Variants in PLXNA4 observed in about 807,000 individuals in gnomAD.
PLXNA4 encodes the protein plexin A4, also known as plexin-A4.
PLXNA4 carries 44 observed loss-of-function variants against 191.8 expected under a neutral mutation model. That is an observed-to-expected ratio of 0.23 (90% confidence interval 0.18 to 0.29). The LOEUF is 0.29. Among genes scored for constraint, PLXNA4 ranks in the 10% least tolerant of loss-of-function variants. PLXNA4 has a pLI of 1.00. For missense variants in PLXNA4, 1,800 were observed against 2,488.8 expected (o/e 0.72, Z 5.89); for synonymous variants, 1,082 against 1,009.5 (o/e 1.07, Z -1.36).
chr7:132,341,724 C>A (rs1450925258), intron 3 of PLXNA4, among the ~76,000 whole-genome samples: 1 of 152,182 alleles, frequency 6.6e-6, no homozygotes, highest in South Asian at 2.1e-4. Context: ...TACCCTGTCC[C>A]TTTACAGCAC....
chr7:132,591,351 C>T (rs1188638105), intron 2 of PLXNA4, among the ~76,000 whole-genome samples: 2 of 152,174 alleles, frequency 1.3e-5, no homozygotes, highest in Middle Eastern at 3.2e-3. Context: ...TTCATCCATA[C>T]GACGGAAGTG....
chr7:132,193,843 C>T (rs1049456288), intron 14 of PLXNA4, among the ~76,000 whole-genome samples: 12 of 152,202 alleles, frequency 7.9e-5, no homozygotes, highest in South Asian at 4.1e-4. Context: ...CCTGAAACCA[C>T]ACAGCCAGGC....
chr7:132,130,361 G>A lies in PLXNA4; in HGVS notation c.*118C>T. 2 of 1,381,700 alleles carry A rather than the reference G, an allele frequency of 1.4e-6. No homozygotes were observed. Among genetic ancestry groups the A allele is most frequent in the Non-Finnish European group, 2.0e-6 (2 of 987,444 alleles). 85.6% of individuals were successfully genotyped at this position (1,381,700 alleles called of 1,614,324 possible). A position where few individuals can be genotyped will look rare whatever the true frequency, so the allele number is the denominator to read the frequency against. On this transcript the variant is annotated 3_prime_UTR_variant, in exon 32 of 32. Transcript: ENST00000321063. The stretch of plus-strand genomic sequence containing the variant: ...AGGCAGAGAGAAAGAGAGAGAAACA[G>A]CGCTGCTCAGGGGATGCTGCTGATG...
intron 29 of PLXNA4, among the ~76,000 whole-genome samples, chr7:132,143,124 G>A (rs1302075728): frequency 6.6e-6 from 1 of 152,100 alleles, no homozygotes; most frequent in Non-Finnish European, 1.5e-5. Flanking sequence ...GGAGAGGGTG[G>A]GTTACACCTT....
intron 4 of PLXNA4, among the ~76,000 whole-genome samples, chr7:132,290,458 T>C (rs1052025070): frequency 2.0e-5 from 3 of 152,256 alleles, no homozygotes; most frequent in African/African-American, 7.2e-5. Context: ...CTCATTTATC[T>C]GCCTCACTGA....
chr7:132,495,574 T>A (rs1797978466), intron 2 of PLXNA4, among the ~76,000 whole-genome samples: 1 of 152,088 alleles, frequency 6.6e-6, no homozygotes, highest in Admixed American at 6.5e-5. Context: ...TCAGATCTGG[T>A]CTTCCCATTG....
chr7:132,272,955 C>T (rs1357501674), intron 4 of PLXNA4, among the ~76,000 whole-genome samples: 1 of 152,148 alleles, frequency 6.6e-6, no homozygotes, highest in African/African-American at 2.4e-5. Context: ...TATGTCTTTG[C>T]ATGTCAGCTT....
intron 2 of PLXNA4, among the ~76,000 whole-genome samples, chr7:132,586,376 C>T (rs767489906): frequency 4.6e-5 from 7 of 152,136 alleles, no homozygotes; most frequent in East Asian, 1.9e-4. Flanking sequence ...TGGGTGTTGA[C>T]GGGCATTTTG....
chr7:132,598,398 T>C (rs1206191775), intron 2 of PLXNA4, among the ~76,000 whole-genome samples: 1 of 152,202 alleles, frequency 6.6e-6, no homozygotes, highest in Admixed American at 6.5e-5. Context: ...CGTGAGCCAC[T>C]GCGCCTGGCC....
intron 3 of PLXNA4, among the ~76,000 whole-genome samples, chr7:132,377,275 A>G (rs1395589814): frequency 6.6e-6 from 1 of 152,154 alleles, no homozygotes; most frequent in Non-Finnish European, 1.5e-5. Context: ...GCTTTAAATG[A>G]TTTCAATCCT....
chr7:132,211,541 T>A (rs920966597), intron 9 of PLXNA4, among the ~76,000 whole-genome samples: 4 of 152,176 alleles, frequency 2.6e-5, no homozygotes, highest in Non-Finnish European at 5.9e-5. Context: ...AGAATTGGGA[T>A]GCACAGACCA....
chr7:132,613,253 G>A (rs925447276), intron 2 of PLXNA4, among the ~76,000 whole-genome samples: 5 of 151,972 alleles, frequency 3.3e-5, no homozygotes, highest in Admixed American at 6.6e-5. Flanking sequence ...CTCAGCCTGG[G>A]CCTCCTCTCC....
intron 1 of PLXNA4, among the ~76,000 whole-genome samples, chr7:132,513,402 A>G (rs1798809851): frequency 1.3e-5 from 2 of 152,216 alleles, no homozygotes; most frequent in African/African-American, 4.8e-5. Flanking sequence ...CTTTAAAGAT[A>G]AGGAAACCAA....
At chr7:132,167,106 G>T (rs1751906752) in intron 22 of PLXNA4, among the ~76,000 whole-genome samples, 1 of 152,184 alleles carries the variant, frequency 6.6e-6, no homozygotes, top group African/African-American at 2.4e-5. Context: ...ATAATGACAT[G>T]ACGTGGGAGT....
At chr7:132,265,328 C>T (rs908507093) in intron 4 of PLXNA4, among the ~76,000 whole-genome samples, 2 of 152,188 alleles carry the variant, frequency 1.3e-5, no homozygotes, top group Non-Finnish European at 2.9e-5. Flanking sequence ...TACCAATTAT[C>T]AAGCATTTGT....
intron 4 of PLXNA4, among the ~76,000 whole-genome samples, chr7:132,276,161 T>G (rs557849853): frequency 6.6e-6 from 1 of 152,306 alleles, no homozygotes; most frequent in Non-Finnish European, 1.5e-5. Context: ...GAATGTAAGC[T>G]ACATAAATGC....
In PLXNA4 at chr7:132,191,772, A is replaced by ATCTCTCTCTCTCTCTCTCTCTCTCTC. The variant is rs145828587; in HGVS notation, c.2856+2289_2856+2290insGAGAGAGAGAGAGAGAGAGAGAGAGA. On this transcript the variant is annotated intron_variant, in intron 14 of 31. Coordinates refer to ENST00000321063, the MANE Select transcript of PLXNA4 (RefSeq NM_020911.2). ...GGCGAATGTCATCCCTCCTCTCTCC[A>ATCTCTCTCTCTCTCTCTCTCTCTCTC]TCTCTCTCTCTCTCTCTCTCTCTGT... is the stretch of plus-strand genomic sequence containing the variant. Among the ~76,000 whole-genome samples, 570 of 142,678 alleles carry ATCTCTCTCTCTCTCTCTCTCTCTCTC rather than the reference A, an allele frequency of 4.0e-3. 14 individuals carry two copies. Among genetic ancestry groups the ATCTCTCTCTCTCTCTCTCTCTCTCTC allele is most frequent in the Admixed American group, 9.5e-3 (134 of 14,054 alleles). The allele number at this position is 142,678 out of a possible 152,430, so 93.6% of individuals were successfully genotyped here. A position where few individuals can be genotyped will look rare whatever the true frequency, so the allele number is the denominator to read the frequency against.
chr7:132,202,881 G>C (rs369981814), intron 11 of PLXNA4, 45 bp from the exon 12 acceptor site: 1 of 1,477,706 alleles, frequency 6.8e-7, no homozygotes, highest in Admixed American at 2.3e-5. Context: ...GGGAATGGCA[G>C]TGGGGACAGA....
At chr7:132,596,648 G>GC (rs1802714695) in intron 2 of PLXNA4, among the ~76,000 whole-genome samples, 1 of 152,254 alleles carries the variant, frequency 6.6e-6, no homozygotes, top group African/African-American at 2.4e-5. Context: ...TTGACTGCTT[G>GC]CATGAATTAA....
Sources: allele counts gnomAD v4.1 joint callset (sites outside exome capture counted in the v4.1 genomes callset), GRCh38; gene constraint gnomAD v4.1.1; transcripts MANE v1.5; gene names NCBI Gene and HGNC (gene_info 2026-07-23, HGNC 2026-07-21).